PPARGC1A: variants seen among roughly 807,000 people sequenced by gnomAD.
The protein encoded by PPARGC1A is peroxisome proliferator-activated receptor gamma coactivator 1-alpha.
PPARGC1A carries 25 observed loss-of-function variants against 88.7 expected under a neutral mutation model. The observed-to-expected ratio is 0.28, with a 90% CI of 0.21 to 0.39. The LOEUF is 0.39. Among genes scored for constraint, PPARGC1A ranks in the 10% least tolerant of loss-of-function variants. The pLI is 1.00. For synonymous variants in PPARGC1A, 363 were observed against 355.6 expected, an observed-to-expected ratio of 1.02 and a Z score of -0.24; for missense variants, 880 against 968.7, an observed-to-expected ratio of 0.91 and a Z score of 1.22.
the PPARGC1A span, among the ~76,000 whole-genome samples, chr4:24,409,134 AGTT>A: frequency 6.6e-6 from 1 of 152,208 alleles, no homozygotes; most frequent in African/African-American, 2.4e-5. Flanking sequence ...TATAATAAAA[AGTT>A]GTTTTTTTAA....
At chr4:24,464,577 AC>A in the PPARGC1A span, among the ~76,000 whole-genome samples, 2 of 151,992 alleles carry the variant, frequency 1.3e-5, no homozygotes, top group Non-Finnish European at 2.9e-5. Flanking sequence ...ACTTTCTAAT[AC>A]TCTTTCAGGC....
At chr4:24,300,164 C>A in the PPARGC1A span, among the ~76,000 whole-genome samples, 2 of 152,088 alleles carry the variant, frequency 1.3e-5, no homozygotes, top group Non-Finnish European at 2.9e-5. Flanking sequence ...TTACAGAAAC[C>A]GTTTACATTC....
intron 1 of PPARGC1A, among the ~76,000 whole-genome samples, chr4:23,887,135 A>G (rs1344163929): frequency 2.0e-5 from 3 of 152,184 alleles, no homozygotes; most frequent in East Asian, 3.8e-4. Context: ...GACCAGGTCA[A>G]TTTGTTGTAT....
chr4:23,896,873 G>A (rs1472255589), intron 1 of PPARGC1A, among the ~76,000 whole-genome samples: 3 of 152,168 alleles, frequency 2.0e-5, no homozygotes, highest in Admixed American at 6.5e-5. Context: ...TTGGAGACAT[G>A]GCTTCCACTG....
At chr4:24,160,498 C>T in the PPARGC1A span, among the ~76,000 whole-genome samples, 1 of 152,150 alleles carries the variant, frequency 6.6e-6, no homozygotes, top group Non-Finnish European at 1.5e-5. Context: ...TCTCCTCTAC[C>T]AAGAAGGACA....
the PPARGC1A span, among the ~76,000 whole-genome samples, chr4:24,055,043 A>G: frequency 6.6e-6 from 1 of 152,238 alleles, no homozygotes; most frequent in Non-Finnish European, 1.5e-5. Context: ...GAAACACAAG[A>G]AGGAGGCTAA....
chr4:24,168,419 T>C, the PPARGC1A span, among the ~76,000 whole-genome samples: 1 of 152,180 alleles, frequency 6.6e-6, no homozygotes, highest in East Asian at 1.9e-4. Flanking sequence ...AAAGATAAGA[T>C]AACTCCTTGA....
At chr4:24,121,943 G>T in the PPARGC1A span, among the ~76,000 whole-genome samples, 1 of 152,096 alleles carries the variant, frequency 6.6e-6, no homozygotes, top group Non-Finnish European at 1.5e-5. Context: ...CCTCATTTTA[G>T]CAAGATTCAA....
chr4:24,170,556 CAG>C, the PPARGC1A span, among the ~76,000 whole-genome samples: 1 of 152,202 alleles, frequency 6.6e-6, no homozygotes, highest in Non-Finnish European at 1.5e-5. Flanking sequence ...CTGAGCTTCT[CAG>C]AGCCCTGCTC....
At chr4:23,927,235 C>T in the PPARGC1A span, among the ~76,000 whole-genome samples, 1 of 152,118 alleles carries the variant, frequency 6.6e-6, no homozygotes, top group African/African-American at 2.4e-5. Context: ...TCTATGAGTA[C>T]TCTGTACTTG....
the PPARGC1A span, among the ~76,000 whole-genome samples, chr4:24,163,997 A>G: frequency 2.0e-5 from 3 of 152,340 alleles, no homozygotes; most frequent in South Asian, 6.2e-4. Context: ...TCATTTGACC[A>G]CAGGTTGGTT....
chr4:23,838,143 G>C (rs1442227157), intron 2 of PPARGC1A, among the ~76,000 whole-genome samples: 1 of 152,130 alleles, frequency 6.6e-6, no homozygotes, highest in Non-Finnish European at 1.5e-5. Flanking sequence ...AGTGCTCTGA[G>C]CCTTTGCTTA....
At chr4:24,021,346 C>A in the PPARGC1A span, among the ~76,000 whole-genome samples, 2 of 152,222 alleles carry the variant, frequency 1.3e-5, no homozygotes, top group African/African-American at 4.8e-5. Flanking sequence ...GGCTAAGAAG[C>A]ACACAGGTCA....
At chr4:24,049,138 G>A in the PPARGC1A span, among the ~76,000 whole-genome samples, 10 of 150,864 alleles carry the variant, frequency 6.6e-5, no homozygotes, top group South Asian at 8.4e-4. Context: ...ATGTGTGTGC[G>A]TATGTGTGTG....
At chr4:24,230,096 C>T in the PPARGC1A span, among the ~76,000 whole-genome samples, 2 of 152,182 alleles carry the variant, frequency 1.3e-5, no homozygotes, top group Non-Finnish European at 2.9e-5. Flanking sequence ...GTGCAATTTA[C>T]ATCTCTTTAA....
the PPARGC1A span, among the ~76,000 whole-genome samples, chr4:24,216,581 T>C: frequency 1.3e-5 from 2 of 152,284 alleles, no homozygotes; most frequent in East Asian, 1.9e-4. Context: ...TGCCCTTCAG[T>C]TTTTGTTTTT....
At chr4:24,323,313 T>TC in the PPARGC1A span, among the ~76,000 whole-genome samples, 64 of 152,296 alleles carry the variant, frequency 4.2e-4, no homozygotes, top group African/African-American at 1.5e-3. Context: ...AGCCAAGCCA[T>TC]CGCATCCCCT....
chr4:24,139,482 TACTC>T, the PPARGC1A span, among the ~76,000 whole-genome samples: 1 of 152,100 alleles, frequency 6.6e-6, no homozygotes, highest in Non-Finnish European at 1.5e-5. Context: ...AAATGTAAAA[TACTC>T]AGAATGTTTG....
chr4:24,226,288 T>C, the PPARGC1A span, among the ~76,000 whole-genome samples: 1 of 152,192 alleles, frequency 6.6e-6, no homozygotes, highest in Non-Finnish European at 1.5e-5. Flanking sequence ...CACCCAGCCT[T>C]CTGCATCATA....
Sources: allele counts gnomAD v4.1 joint callset (sites outside exome capture counted in the v4.1 genomes callset), GRCh38; gene constraint gnomAD v4.1.1; transcripts MANE v1.5; gene names NCBI Gene and HGNC (gene_info 2026-07-23, HGNC 2026-07-21).